The following ACSL3 variants were observed in gnomAD, a reference collection of about 807,000 sequenced individuals.
ACSL3 encodes fatty acid CoA ligase Acsl3.
ACSL3 carries 34 observed loss-of-function variants against 84.7 expected under a neutral mutation model. That is an observed-to-expected ratio of 0.40 (90% confidence interval 0.31 to 0.53). The LOEUF (loss-of-function observed/expected upper bound fraction) is 0.53, where lower values mean the gene tolerates loss of function less well. ACSL3 is among the 20% of genes least tolerant of loss of function. The pLI, the probability that ACSL3 is intolerant of heterozygous loss-of-function variation, is 0.48. For synonymous variants in ACSL3, 315 were observed against 299.4 expected (o/e 1.05, Z -0.54); for missense variants, 680 against 873.1 (o/e 0.78, Z 2.79).
At chr2:222,880,574 A>T (rs1695565733) in intron 1 of ACSL3, among the ~76,000 whole-genome samples, 1 of 152,132 alleles carries the variant, frequency 6.6e-6, no homozygotes, top group East Asian at 1.9e-4. Context: ...CATGCCTGTA[A>T]TCCCAGCACT....
Position 222,921,417 on chromosome 2 carries a change from A to T in ACSL3, c.943A>T (p.Ile315Phe). Reference sequence around the variant, plus strand: ...TGGTATAACTGGGATGGCAGAAAGGATTCCAGAACTAGGGTATGTCATAGT... The same window carrying T: ...TGGTATAACTGGGATGGCAGAAAGGTTTCCAGAACTAGGGTATGTCATAGT... ...IAGITGMAERIPELGEEDVYI... is the reference protein window; with the variant it reads ...IAGITGMAERFPELGEEDVYI... The change falls in exon 8 of 17, where the codon ATT (isoleucine) becomes TTT (phenylalanine). Residue 315 changes from isoleucine to phenylalanine, a missense_variant. Physicochemically the swap from Ile to Phe is conservative, Grantham distance 21 (BLOSUM62 0). Coordinates refer to ENST00000357430, the MANE Select transcript of ACSL3 (RefSeq NM_004457.5). 1.3e-6 allele frequency: 2 copies of T among 1,588,370 alleles called. No homozygotes were observed. The highest frequency in any genetic ancestry group is 1.7e-6 in the Non-Finnish European group (2 of 1,159,208).
At chr2:222,905,293 AG>A (rs1313479383) in intron 3 of ACSL3, among the ~76,000 whole-genome samples, 1 of 151,996 alleles carries the variant, frequency 6.6e-6, no homozygotes, top group African/African-American at 2.4e-5. Context: ...CCCGAGTAGC[AG>A]GGACTACAAG....
intron 14 of ACSL3, 109 bp downstream of exon 14, chr2:222,930,921 T>A: frequency 9.8e-7 from 1 of 1,020,282 alleles, no homozygotes; most frequent in Non-Finnish European, 1.4e-6. Flanking sequence ...TATGTAATCT[T>A]AGTTTGGGTT....
At chr2:222,937,883 CTTT>C (rs1697217023) in intron 16 of ACSL3, among the ~76,000 whole-genome samples, 1 of 151,682 alleles carries the variant, frequency 6.6e-6, no homozygotes, top group African/African-American at 2.4e-5. Flanking sequence ...TTGCTGCCTT[CTTT>C]TGTTTTGTTG....
intron 2 of ACSL3, among the ~76,000 whole-genome samples, chr2:222,889,480 C>T (rs1695795525): frequency 6.6e-6 from 1 of 152,178 alleles, no homozygotes; most frequent in Non-Finnish European, 1.5e-5. Flanking sequence ...AACCTTTTCA[C>T]GTTTGGGAAT....
intron 15 of ACSL3, 78 bp from the exon 16 acceptor site, chr2:222,934,452 A>T: frequency 8.3e-7 from 1 of 1,203,080 alleles, no homozygotes; most frequent in Non-Finnish European, 1.1e-6. Flanking sequence ...GTTATTTACT[A>T]CTTGTCACTG....
At chr2:222,892,926 A>G (rs916163420) in intron 2 of ACSL3, among the ~76,000 whole-genome samples, 2 of 152,236 alleles carry the variant, frequency 1.3e-5, no homozygotes, top group South Asian at 4.1e-4. Context: ...GAAAAATTCC[A>G]GCCACATTTC....
In ACSL3 at chr2:222,909,948, A is replaced by G. The variant is rs143835117; in HGVS notation, c.378+798A>G. On this transcript the variant is annotated intron_variant, in intron 4 of 16. Transcript: ENST00000357430. The stretch of plus-strand genomic sequence containing the variant: ...AGGTAACCTACCCCAGGGACACTAC[A>G]GCTAGGGAAGCTGGGACTGGAATCC... 6.1e-3 allele frequency among the ~76,000 whole-genome samples: 928 copies of G among 152,314 alleles called. 6 individuals are homozygous for G. Among genetic ancestry groups the G allele is most frequent in the South Asian group, 0.036 (176 of 4,828 alleles).
At position 222,910,306 on chromosome 2, in the gene ACSL3, A is replaced by T. The variant is rs182964839; in HGVS notation, c.378+1156A>T. On this transcript the variant is annotated intron_variant, in intron 4 of 16. Coordinates refer to ENST00000357430, the MANE Select transcript of ACSL3 (RefSeq NM_004457.5). ...AACTCTAGTAAGTTAAAAATTGAAG[A>T]TAAAGTATTTTTTAGAGGGGGTACA... Among the ~76,000 whole-genome samples the T allele has an allele frequency of 1.6e-4, 25 of 152,314 alleles. No homozygotes were observed. The East Asian group carries it at 4.6e-3, about 28-fold the overall frequency.
intron 1 of ACSL3, among the ~76,000 whole-genome samples, chr2:222,881,611 G>T (rs1254104862): frequency 6.6e-6 from 1 of 152,130 alleles, no homozygotes; most frequent in Non-Finnish European, 1.5e-5. Flanking sequence ...CCGCTTCCCG[G>T]GTTCAAGCGA....
At chr2:222,934,957 C>T (rs1372423443) in intron 16 of ACSL3, among the ~76,000 whole-genome samples, 1 of 152,136 alleles carries the variant, frequency 6.6e-6, no homozygotes, top group Non-Finnish European at 1.5e-5. Flanking sequence ...GTCAGCTGTT[C>T]TTCAAGGCCT....
chr2:222,878,402 A>G (rs558470622), intron 1 of ACSL3, among the ~76,000 whole-genome samples: 1 of 152,308 alleles, frequency 6.6e-6, no homozygotes, highest in South Asian at 2.1e-4. Flanking sequence ...GGCCAGGCCC[A>G]CTGCTTGCTG....
At position 222,896,515 on chromosome 2, in the gene ACSL3, G is replaced by A. The variant is rs1359089855; in HGVS notation, c.-147-4159G>A. On this transcript the variant is annotated intron_variant, in intron 2 of 16. Transcript: ENST00000357430. ...TCCCTCCCGGACGGGGCGGCTGGCC[G>A]GGCGAGGGGCTGACCCCCCACCTCC... Among the ~76,000 whole-genome samples the A allele has an allele frequency of 3.9e-4, 5 of 12,876 alleles. 1 individual carries two copies. Among genetic ancestry groups the A allele is most frequent in the Admixed American group, 2.0e-3 (3 of 1,504 alleles). 8.4% of individuals were successfully genotyped at this position (12,876 alleles called of 152,430 possible).
chr2:222,862,838 G>A (rs1695048470), intron 1 of ACSL3, among the ~76,000 whole-genome samples: 1 of 152,166 alleles, frequency 6.6e-6, no homozygotes, highest in South Asian at 2.1e-4. Context: ...TTTAGACTCA[G>A]TGACTTAAAG....
chr2:222,933,664 C>CGACCACCGAGA, intron 15 of ACSL3: 3 of 156,884 alleles, frequency 1.9e-5, no homozygotes, highest in Admixed American at 6.4e-5. Flanking sequence ...CTTACTCCTG[C>CGACCACCGAGA]TCTACACTTG....
chr2:222,872,738 CT>C (rs1695337680), intron 1 of ACSL3, among the ~76,000 whole-genome samples: 1 of 151,896 alleles, frequency 6.6e-6, no homozygotes, highest in Non-Finnish European at 1.5e-5. Context: ...AGAGGCTTCT[CT>C]GAGGAAGTGG....
intron 1 of ACSL3, among the ~76,000 whole-genome samples, chr2:222,878,868 CAG>C (rs1695522065): frequency 6.6e-6 from 1 of 152,214 alleles, no homozygotes; most frequent in Non-Finnish European, 1.5e-5. Context: ...AATTTTACCT[CAG>C]AGAAGCCTGT....
chr2:222,930,485 C>T (rs1408422756), intron 13 of ACSL3, 136 bp from the exon 14 acceptor site: 3 of 624,748 alleles, frequency 4.8e-6, no homozygotes, highest in Admixed American at 3.4e-5. Context: ...AAACTTTGTT[C>T]ATTCATAGTG....
intron 1 of ACSL3, among the ~76,000 whole-genome samples, chr2:222,883,175 T>TC (rs72411378): frequency 6.6e-6 from 1 of 150,850 alleles, no homozygotes; most frequent in African/African-American, 2.4e-5. Flanking sequence ...CTGTTTTTTT[T>TC]TTTTTTCTTT....
Sources: gnomAD v4.1 joint callset for allele counts (sites outside exome capture counted in the v4.1 genomes callset) on GRCh38, gnomAD v4.1.1 for gene constraint, MANE v1.5 for transcripts, NCBI Gene and HGNC (gene_info 2026-07-23, HGNC 2026-07-21) for gene names.